Variants in REPS1 observed in about 807,000 individuals in gnomAD.
REPS1 encodes ralBP1-associated Eps domain-containing protein 1.
A neutral mutation model predicts 100.9 loss-of-function variants in REPS1; 39 were observed. The observed-to-expected ratio is 0.39, with a 90% CI of 0.30 to 0.50. The LOEUF is 0.50. Among genes scored for constraint, REPS1 ranks in the 20% least tolerant of loss-of-function variants. The probability of loss-of-function intolerance (pLI) is 0.86; values close to 1 mark genes in which losing one functional copy is unlikely to be tolerated. For synonymous variants in REPS1, 324 were observed against 340.3 expected (o/e 0.95, Z 0.53); for missense variants, 821 against 968.5 (o/e 0.85, Z 2.02).
At chr6:138,972,859 G>A (rs1490186140) in intron 1 of REPS1, among the ~76,000 whole-genome samples, 3 of 152,064 alleles carry the variant, frequency 2.0e-5, no homozygotes, top group Non-Finnish European at 4.4e-5. Flanking sequence ...GTTCCATACT[G>A]CTGAAAAAAA....
intron 1 of REPS1, chr6:138,951,059 T>C (rs1178931101): frequency 6.6e-6 from 1 of 152,148 alleles, no homozygotes; most frequent in Admixed American, 6.5e-5. Flanking sequence ...TGGTGGCACA[T>C]GCTTGTAATC....
intron 17 of REPS1, 30 bp from the exon 18 acceptor site, chr6:138,908,846 G>C (rs777996026): frequency 6.2e-7 from 1 of 1,605,020 alleles, no homozygotes; most frequent in Non-Finnish European, 8.5e-7. Flanking sequence ...TTAATAATAA[G>C]CATTTTTGAA....
intron 1 of REPS1, among the ~76,000 whole-genome samples, chr6:138,982,788 T>C (rs1037778115): frequency 3.3e-5 from 5 of 152,246 alleles, no homozygotes; most frequent in Non-Finnish European, 7.3e-5. Flanking sequence ...TAGATTTTCC[T>C]CTGCTATTCA....
At chr6:138,982,304 T>A (rs1044722860) in intron 1 of REPS1, among the ~76,000 whole-genome samples, 2 of 152,240 alleles carry the variant, frequency 1.3e-5, no homozygotes, top group Non-Finnish European at 2.9e-5. Flanking sequence ...TAAATTTATG[T>A]GTTATGCAAA....
Position 138,987,525 on chromosome 6 carries a change from G to A in REPS1, c.153+5C>T. ...CCGCCCGCCGGCCCCGGGACGCGAC[G>A]TTACCTGTAGGACCACGTCGTTCGG... On this transcript the variant is annotated splice_donor_5th_base_variant and intron_variant, in intron 1 of 19. Coordinates refer to ENST00000450536, the MANE Select transcript of REPS1 (RefSeq NM_001286611.2). 1 of 1,548,128 alleles carries A rather than the reference G, an allele frequency of 6.5e-7. No homozygotes were observed. Among genetic ancestry groups the A allele is most frequent in the Non-Finnish European group, 8.7e-7 (1 of 1,145,744 alleles).
intron 8 of REPS1, chr6:138,934,384 T>C (rs1275979345): frequency 4.3e-6 from 2 of 467,870 alleles, no homozygotes; most frequent in Non-Finnish European, 8.9e-6. Flanking sequence ...AAAAGGGCTG[T>C]TACGCAAAAA....
chr6:138,956,811 GA>G (rs60624355), intron 1 of REPS1, among the ~76,000 whole-genome samples: 1 of 146,010 alleles, frequency 6.8e-6, no homozygotes, highest in Non-Finnish European at 1.5e-5. Flanking sequence ...TTTACAAACA[GA>G]AAAAAAAAAC....
rs533703175 is a variant in REPS1 at position 138,916,225 on chromosome 6, T to C, written c.1602-249A>G. 7.6e-4 allele frequency: 232 copies of C among 304,644 alleles called. 1 individual carries two copies. Among genetic ancestry groups the C allele is most frequent in the African/African-American group, 3.1e-3 (127 of 40,640 alleles). 18.9% of individuals were successfully genotyped at this position (304,644 alleles called of 1,614,324 possible). A position where few individuals can be genotyped will look rare whatever the true frequency, so the allele number is the denominator to read the frequency against. ...AGCAAAATTTCTTTTTTTCTTTTTTTTTTTTTTTTTTTTTTGAGACAGTCT... is the reference window on the plus strand; with the variant it reads ...AGCAAAATTTCTTTTTTTCTTTTTTCTTTTTTTTTTTTTTTGAGACAGTCT... On this transcript the variant is annotated intron_variant, in intron 13 of 19. Transcript: ENST00000450536.
intron 10 of REPS1, among the ~76,000 whole-genome samples, chr6:138,921,976 A>AGTGTGTGTGTGTGTGT (rs71895504): frequency 0.054 from 7,951 of 148,502 alleles, 257 homozygotes; most frequent in African/African-American, 0.08. Flanking sequence ...CATCTCAAAA[A>AGTGTGTGTGTGTGTGT]GTGTGTGTGT....
chr6:138,907,317 T>C, intron 19 of REPS1, 178 bp downstream of exon 19: 1 of 298,512 alleles, frequency 3.3e-6, no homozygotes, highest in Non-Finnish European at 5.9e-6. Context: ...AAAAAAAGTG[T>C]GTGTGTGTGT....
At chr6:138,978,688 A>C (rs1273820733) in intron 1 of REPS1, among the ~76,000 whole-genome samples, 1 of 152,064 alleles carries the variant, frequency 6.6e-6, no homozygotes, top group Non-Finnish European at 1.5e-5. Flanking sequence ...GCCTCTTTGA[A>C]GCTAATGTGA....
intron 1 of REPS1, among the ~76,000 whole-genome samples, chr6:138,968,323 TGAGTG>T (rs1174746677): frequency 6.6e-6 from 1 of 152,258 alleles, no homozygotes; most frequent in African/African-American, 2.4e-5. Context: ...TATCATTTAT[TGAGTG>T]GTGTGTCAGT....
In REPS1 at chr6:138,914,738, C is replaced by A. The variant is rs568965502; in HGVS notation, c.1744G>T (p.Ala582Ser). Residue 582 changes from alanine to serine, a missense_variant, in exon 15 of 20, where the codon GCC becomes TCC. Around this residue, in one of 3 missense-constraint regions of REPS1, gnomAD observed 757 missense variants for 866.4 expected, o/e 0.87. Transcript: ENST00000450536. The part of the protein sequence containing the change: ...TTGQQQAGVV[A>S]HPPAVPPRPQ... Reference sequence around the variant, plus strand: ...CTTGGAGGCACTGCAGGAGGATGGGCAACAACTCCAGCCTGTTGTTGTCCT... The same window carrying A: ...CTTGGAGGCACTGCAGGAGGATGGGAAACAACTCCAGCCTGTTGTTGTCCT... 2 of 1,611,978 alleles carry A rather than the reference C, an allele frequency of 1.2e-6. No homozygotes were observed. Among genetic ancestry groups the A allele is most frequent in the South Asian group, 2.2e-5 (2 of 90,434 alleles).
At chr6:138,922,663 G>C (rs1027256966) in intron 10 of REPS1, among the ~76,000 whole-genome samples, 1 of 152,178 alleles carries the variant, frequency 6.6e-6, no homozygotes, top group African/African-American at 2.4e-5. Flanking sequence ...GACCAGCTGA[G>C]AAACATCACC....
intron 1 of REPS1, among the ~76,000 whole-genome samples, chr6:138,979,203 A>C (rs973819196): frequency 6.6e-6 from 1 of 150,664 alleles, no homozygotes; most frequent in Non-Finnish European, 1.5e-5. Context: ...AAAAACAAAA[A>C]AAAAAAACTG....
At chr6:138,976,530 A>G (rs925261862) in intron 1 of REPS1, among the ~76,000 whole-genome samples, 1 of 152,172 alleles carries the variant, frequency 6.6e-6, no homozygotes, top group African/African-American at 2.4e-5. Flanking sequence ...TGAAACTACT[A>G]TTTCATTAAA....
At chr6:138,954,232 C>T (rs1435961089) in intron 1 of REPS1, among the ~76,000 whole-genome samples, 1 of 151,808 alleles carries the variant, frequency 6.6e-6, no homozygotes, top group East Asian at 1.9e-4. Flanking sequence ...AAAATGACAA[C>T]TAGATAGGAG....
intron 1 of REPS1, among the ~76,000 whole-genome samples, chr6:138,974,337 A>G (rs1784486858): frequency 6.6e-6 from 1 of 152,186 alleles, no homozygotes; most frequent in Non-Finnish European, 1.5e-5. Flanking sequence ...CACGCTTATT[A>G]CAAGGATTAA....
At chr6:138,937,684 G>C (rs532844868) in intron 8 of REPS1, among the ~76,000 whole-genome samples, 51 of 152,314 alleles carry the variant, frequency 3.3e-4, no homozygotes, top group African/African-American at 1.2e-3. Context: ...GCATCTCAGA[G>C]ACTGCTGAGT....
Sources: gnomAD v4.1 joint callset for allele counts (sites outside exome capture counted in the v4.1 genomes callset) on GRCh38, gnomAD v4.1.1 for gene constraint, gnomAD v4.1.1 regional missense constraint, MANE v1.5 for transcripts, NCBI Gene and HGNC (gene_info 2026-07-23, HGNC 2026-07-21) for gene names.